SUGCT: variants seen among roughly 807,000 people sequenced by gnomAD.
The protein encoded by SUGCT is succinyl-CoA:glutarate CoA-transferase.
In SUGCT, 41 loss-of-function variants were observed where a neutral mutation model predicts 55.0. That is an observed-to-expected ratio of 0.74 (90% CI 0.58 to 0.97). SUGCT has a LOEUF of 0.97. SUGCT is among the 50% of genes least tolerant of loss of function. The pLI is 0.00. For synonymous variants in SUGCT, 187 were observed against 200.4 expected, an observed-to-expected ratio of 0.93 and a Z score of 0.56; for missense variants, 568 against 547.8, an observed-to-expected ratio of 1.04 and a Z score of -0.37.
intron 9 of SUGCT, among the ~76,000 whole-genome samples, chr7:40,365,794 C>T (rs1783919567): frequency 6.6e-6 from 1 of 152,194 alleles, no homozygotes; most frequent in Admixed American, 6.5e-5. Flanking sequence ...ACATTCCATG[C>T]TCATGAGTAG....
At position 40,237,694 on chromosome 7, in the gene SUGCT, G is replaced by A. The variant is rs747175183; in HGVS notation, c.544G>A (p.Val182Ile). 6.2e-7 allele frequency: 1 copy of A among 1,613,902 alleles called. No individual in the cohort carries two copies. Among genetic ancestry groups the A allele is most frequent in the Non-Finnish European group, 8.5e-7 (1 of 1,179,844 alleles). Residue 182 changes from valine to isoleucine, a missense_variant, in exon 7 of 14, where the codon GTT becomes ATT. Physicochemically the swap from Val to Ile is conservative, Grantham distance 29. Coordinates refer to ENST00000335693, the MANE Select transcript of SUGCT (RefSeq NM_001193313.2). ...RAGYDAVASA[V>I]SGLMHITGPE... Reference sequence around the variant, plus strand: ...TGGTTATGATGCTGTTGCCTCGGCTGTTTCTGGTCTGATGCACATCACAGG... The same window carrying A: ...TGGTTATGATGCTGTTGCCTCGGCTATTTCTGGTCTGATGCACATCACAGG...
chr7:40,864,121 G>A (rs1794539551), downstream of SUGCT, among the ~76,000 whole-genome samples: 1 of 152,104 alleles, frequency 6.6e-6, no homozygotes, highest in South Asian at 2.1e-4. Flanking sequence ...TCTCCATACA[G>A]ACACACCATG....
At chr7:40,157,661 CTT>C (rs1436671797) in intron 1 of SUGCT, among the ~76,000 whole-genome samples, 2 of 152,120 alleles carry the variant, frequency 1.3e-5, no homozygotes, top group African/African-American at 4.8e-5. Context: ...ATTCCTAAAA[CTT>C]TTCAGATTAT....
intron 6 of SUGCT, among the ~76,000 whole-genome samples, chr7:40,230,270 AG>A (rs1788641254): frequency 6.6e-6 from 1 of 152,234 alleles, no homozygotes; most frequent in Non-Finnish European, 1.5e-5. Flanking sequence ...GAGGAATTAA[AG>A]AGTTTGCATG....
At chr7:40,421,625 CT>C (rs1346485198) in intron 9 of SUGCT, among the ~76,000 whole-genome samples, 2 of 152,206 alleles carry the variant, frequency 1.3e-5, no homozygotes, top group East Asian at 3.8e-4. Flanking sequence ...ATGGCCCCTA[CT>C]TTTTGTTAAA....
chr7:41,003,301 G>T, the SUGCT span, among the ~76,000 whole-genome samples: 1 of 152,116 alleles, frequency 6.6e-6, no homozygotes, highest in Admixed American at 6.5e-5. Flanking sequence ...ACAGGTGGGC[G>T]AGCAGAAGCT....
chr7:40,922,906 A>G, the SUGCT span, among the ~76,000 whole-genome samples: 2 of 152,176 alleles, frequency 1.3e-5, no homozygotes, highest in African/African-American at 4.8e-5. Flanking sequence ...GGGCAATACC[A>G]AGTAATTACT....
intron 12 of SUGCT, among the ~76,000 whole-genome samples, chr7:40,676,207 T>A (rs1397464747): frequency 6.6e-6 from 1 of 152,212 alleles, no homozygotes; most frequent in Non-Finnish European, 1.5e-5. Flanking sequence ...TTAAAAAACT[T>A]ACTTCATGGA....
At chr7:41,005,873 C>T in the SUGCT span, among the ~76,000 whole-genome samples, 1,929 of 152,300 alleles carry the variant, frequency 0.013, 15 homozygotes, top group Non-Finnish European at 0.022. Context: ...TGTAAGTACT[C>T]CCATTTTGGG....
At chr7:40,973,161 C>T in the SUGCT span, among the ~76,000 whole-genome samples, 1 of 152,220 alleles carries the variant, frequency 6.6e-6, no homozygotes, top group South Asian at 2.1e-4. Context: ...TCCTCCTCTG[C>T]AGCAGGTCAA....
At chr7:40,396,092 C>A (rs956557318) in intron 9 of SUGCT, among the ~76,000 whole-genome samples, 2 of 152,106 alleles carry the variant, frequency 1.3e-5, no homozygotes, top group African/African-American at 4.8e-5. Context: ...CTAGCATGGA[C>A]ACTCAGAGTG....
intron 12 of SUGCT, among the ~76,000 whole-genome samples, chr7:40,689,924 A>G (rs1477268047): frequency 2.0e-5 from 3 of 152,186 alleles, no homozygotes; most frequent in African/African-American, 7.2e-5. Context: ...GCCACTGTAA[A>G]TTACCACTTA....
At chr7:40,392,461 G>T (rs1029094793) in intron 9 of SUGCT, among the ~76,000 whole-genome samples, 3 of 151,972 alleles carry the variant, frequency 2.0e-5, no homozygotes, top group Non-Finnish European at 4.4e-5. Context: ...GGTAATGGGT[G>T]GGGGGAAGAA....
intron 12 of SUGCT, among the ~76,000 whole-genome samples, chr7:40,594,203 A>C (rs1797878045): frequency 1.3e-5 from 2 of 152,062 alleles, no homozygotes; most frequent in African/African-American, 4.8e-5. Context: ...GAGGGATAGC[A>C]TTGGGAGAGA....
chr7:40,807,078 A>T (rs2128754155), intron 13 of SUGCT, among the ~76,000 whole-genome samples: 1 of 152,350 alleles, frequency 6.6e-6, no homozygotes, highest in Admixed American at 6.5e-5. Flanking sequence ...GCTAATTGGT[A>T]ATAGCAGTAG....
intron 8 of SUGCT, among the ~76,000 whole-genome samples, chr7:40,302,949 TC>T (rs1305731028): frequency 6.6e-6 from 1 of 152,166 alleles, no homozygotes; most frequent in African/African-American, 2.4e-5. Flanking sequence ...GGACATCCTA[TC>T]GACACCTTTA....
chr7:40,210,468 G>A (rs992101816), intron 6 of SUGCT, among the ~76,000 whole-genome samples: 11 of 149,212 alleles, frequency 7.4e-5, no homozygotes, highest in Admixed American at 1.3e-4. Context: ...GTGTGTGTGT[G>A]TATATATATA....
At chr7:40,270,135 CA>C (rs1186152626) in intron 7 of SUGCT, among the ~76,000 whole-genome samples, 1,643 of 66,674 alleles carry the variant, frequency 0.025, 8 homozygotes, top group African/African-American at 0.083. Flanking sequence ...GACCCTTTCT[CA>C]AAAAAAAAAA....
chr7:40,670,267 CAAAATAAAACAGAAAGAGAAGG>C, intron 12 of SUGCT, among the ~76,000 whole-genome samples: 1 of 147,388 alleles, frequency 6.8e-6, no homozygotes, highest in Non-Finnish European at 1.5e-5. Context: ...AAAAGCAGAG[CAAAATAAAACAGAAAGAGAAGG>C]AAGGTATTAA....
Sources: gnomAD v4.1 joint callset for allele counts (sites outside exome capture counted in the v4.1 genomes callset) on GRCh38, gnomAD v4.1.1 for gene constraint, MANE v1.5 for transcripts, NCBI Gene and HGNC (gene_info 2026-07-23, HGNC 2026-07-21) for gene names.